Variants in AFF2 observed in about 807,000 individuals in gnomAD.
The protein encoded by AFF2 is ALF transcription elongation factor 2.
A neutral mutation model predicts 76.9 loss-of-function variants in AFF2; 14 were observed. The observed-to-expected ratio is 0.18, with a 90% CI of 0.12 to 0.28. The LOEUF is 0.28. Ranked by LOEUF, AFF2 falls within the 10% of genes least tolerant of loss-of-function variation. The pLI, the probability that AFF2 is intolerant of heterozygous loss-of-function variation, is 1.00. For missense variants in AFF2, 868 were observed against 1,001.1 expected (o/e 0.87, Z 1.79); for synonymous variants, 398 against 366.7 (o/e 1.09, Z -0.98).
intron 1 of AFF2, among the ~76,000 whole-genome samples, chrX:148,505,676 C>T (rs1354973759): frequency 9.0e-6 from 1 of 111,452 alleles, no homozygotes; most frequent in African/African-American, 3.3e-5. Context: ...AATGAAATGG[C>T]CTTCTCTGGA....
In AFF2 at chrX:148,713,309, T is replaced by A. The variant is rs182016160; in HGVS notation, c.1041+50541T>A. ...AAGTGAGATGAGAGCCGTTGAAGGGTTTTGAGCAGCACGAGTGAGGCACCT... is the reference window on the plus strand; with the variant it reads ...AAGTGAGATGAGAGCCGTTGAAGGGATTTGAGCAGCACGAGTGAGGCACCT... On this transcript the variant is annotated intron_variant, in intron 3 of 20. Coordinates refer to ENST00000370460, the MANE Select transcript of AFF2 (RefSeq NM_002025.4). Among the ~76,000 whole-genome samples the A allele has an allele frequency of 1.4e-3, 157 of 110,875 alleles. 1 individual carries two copies. The highest frequency in any genetic ancestry group is 1.4e-3 in the Non-Finnish European group (72 of 52,909).
intron 1 of AFF2, among the ~76,000 whole-genome samples, chrX:148,615,194 G>A (rs2053784933): frequency 9.0e-6 from 1 of 111,484 alleles, no homozygotes; most frequent in Non-Finnish European, 1.9e-5. Context: ...TTTAGCCTAA[G>A]CAAAACAAAG....
At chrX:148,746,667 T>C (rs1225941437) in intron 3 of AFF2, among the ~76,000 whole-genome samples, 1 of 112,826 alleles carries the variant, frequency 8.9e-6, no homozygotes, top group Admixed American at 9.3e-5. Flanking sequence ...CATTCACTCA[T>C]TCTACGTTTC....
rs182201349 is a variant in AFF2, at chrX:148,564,906, G to T, written c.47+63762G>T. ...GTTTATTGAGTGCTTAAGTGGAATT[G>T]CTTTAATGTCATGGTCCTGTTTCTT... On this transcript the variant is annotated intron_variant, in intron 1 of 20. Coordinates refer to ENST00000370460, the MANE Select transcript of AFF2 (RefSeq NM_002025.4). Among the ~76,000 whole-genome samples, 4 of 112,421 alleles carry T rather than the reference G, an allele frequency of 3.6e-5. No homozygotes were observed. The East Asian group carries it at 1.1e-3, about 32-fold the overall frequency.
intron 9 of AFF2, among the ~76,000 whole-genome samples, chrX:148,949,565 T>C (rs2071941568): frequency 8.9e-6 from 1 of 112,410 alleles, no homozygotes; most frequent in South Asian, 3.7e-4. Context: ...TTGGTAAAGA[T>C]GAATGATGAA....
At chrX:148,614,478 A>G (rs1557249895) in intron 1 of AFF2, among the ~76,000 whole-genome samples, 2 of 111,142 alleles carry the variant, frequency 1.8e-5, no homozygotes, top group Non-Finnish European at 3.8e-5. Context: ...CTTTTACCTC[A>G]TCCTAGCCAG....
At chrX:148,795,780 G>C in intron 3 of AFF2, among the ~76,000 whole-genome samples, 1 of 68,858 alleles carries the variant, frequency 1.5e-5, no homozygotes, top group Non-Finnish European at 2.5e-5. Flanking sequence ...TCCAACCTGG[G>C]CGACAGAGTG....
chrX:148,813,419 A>G (rs1557271940), intron 4 of AFF2, among the ~76,000 whole-genome samples: 1 of 112,211 alleles, frequency 8.9e-6, no homozygotes, highest in Admixed American at 9.5e-5. Context: ...CTTTTTTGTC[A>G]TTCTTTAATA....
chrX:148,556,560 A>T (rs1444860431), intron 1 of AFF2, among the ~76,000 whole-genome samples: 1 of 112,344 alleles, frequency 8.9e-6, no homozygotes, highest in Non-Finnish European at 1.9e-5. Flanking sequence ...CAGAGAGGCT[A>T]TTCTCTTTAA....
chrX:148,573,471 T>C (rs1304218760), intron 1 of AFF2, among the ~76,000 whole-genome samples: 1 of 111,470 alleles, frequency 9.0e-6, no homozygotes. Context: ...CGATAATCGA[T>C]ACTAACCTCT....
At chrX:148,882,335 C>T in intron 7 of AFF2, among the ~76,000 whole-genome samples, 1 of 111,782 alleles carries the variant, frequency 8.9e-6, no homozygotes, top group Admixed American at 9.5e-5. Flanking sequence ...ATCATCTCCT[C>T]AGGGCAAGAA....
At chrX:148,878,345 G>T (rs1318813920) in intron 7 of AFF2, among the ~76,000 whole-genome samples, 1 of 111,785 alleles carries the variant, frequency 8.9e-6, no homozygotes, top group Admixed American at 9.5e-5. Context: ...ATTCTGAAAT[G>T]TCTCTAGAAT....
chrX:148,694,766 A>T (rs987323470), intron 3 of AFF2, among the ~76,000 whole-genome samples: 21 of 110,563 alleles, frequency 1.9e-4, no homozygotes, highest in African/African-American at 6.9e-4. Context: ...AAATTTGAAA[A>T]TAAAATAATC....
chrX:148,806,918 C>T (rs978570170), intron 3 of AFF2, among the ~76,000 whole-genome samples: 2 of 112,280 alleles, frequency 1.8e-5, no homozygotes, highest in Admixed American at 9.4e-5. Flanking sequence ...AAAGCACTTG[C>T]GGTTCAAATG....
chrX:148,831,932 CAT>C (rs1221312323), intron 4 of AFF2, among the ~76,000 whole-genome samples: 1 of 112,276 alleles, frequency 8.9e-6, no homozygotes, highest in Non-Finnish European at 1.9e-5. Flanking sequence ...CACACACACA[CAT>C]ATGTGTTTTT....
intron 7 of AFF2, among the ~76,000 whole-genome samples, chrX:148,869,245 G>A (rs183645430): frequency 5.0e-4 from 56 of 111,587 alleles, no homozygotes; most frequent in Non-Finnish European, 8.7e-4. Flanking sequence ...GAGAATGATA[G>A]CTAAAAGTTA....
chrX:148,783,220 A>T (rs1188062759), intron 3 of AFF2, among the ~76,000 whole-genome samples: 1 of 112,000 alleles, frequency 8.9e-6, no homozygotes, highest in Non-Finnish European at 1.9e-5. Context: ...GAAAACACAT[A>T]CACAAAAACA....
At chrX:148,519,245 A>G (rs1306529621) in intron 1 of AFF2, among the ~76,000 whole-genome samples, 1 of 112,064 alleles carries the variant, frequency 8.9e-6, no homozygotes, top group African/African-American at 3.2e-5. Flanking sequence ...TCAGTTAACT[A>G]TTCTTCAGGT....
At chrX:148,734,346 A>G (rs782627591) in intron 3 of AFF2, among the ~76,000 whole-genome samples, 4 of 111,870 alleles carry the variant, frequency 3.6e-5, no homozygotes, top group South Asian at 3.7e-4. Context: ...TTAGGCCTTT[A>G]TGCACATTAT....
Sources: allele counts gnomAD v4.1 joint callset (sites outside exome capture counted in the v4.1 genomes callset), GRCh38; gene constraint gnomAD v4.1.1; transcripts MANE v1.5; gene names NCBI Gene and HGNC (gene_info 2026-07-23, HGNC 2026-07-21).